DLGAP1: variants seen among roughly 807,000 people sequenced by gnomAD.
DLGAP1 encodes DLG associated protein 1, also known as disks large-associated protein 1.
Under a neutral mutation model 90.8 loss-of-function variants are expected in DLGAP1, and 11 were observed. The ratio of observed to expected loss-of-function variants is 0.12; its 90% CI spans 0.08 to 0.20. The LOEUF (loss-of-function observed/expected upper bound fraction) is 0.20. Among genes scored for constraint, DLGAP1 ranks in the 10% least tolerant of loss-of-function variants. DLGAP1 has a pLI of 1.00. For missense variants in DLGAP1, 1,050 were observed against 1,333.8 expected (o/e 0.79, Z 3.31); for synonymous variants, 558 against 540.7 (o/e 1.03, Z -0.44).
intron 7 of DLGAP1, among the ~76,000 whole-genome samples, chr18:3,587,792 C>A (rs534003828): frequency 6.6e-6 from 1 of 152,308 alleles, no homozygotes; most frequent in East Asian, 1.9e-4. Context: ...CACACACCAG[C>A]TTTAAGAGCT....
chr18:4,313,893 C>T (rs1210050562), intron 1 of DLGAP1, among the ~76,000 whole-genome samples: 1 of 152,152 alleles, frequency 6.6e-6, no homozygotes, highest in Non-Finnish European at 1.5e-5. Context: ...ATAGATAAAG[C>T]CGAGACTCTT....
chr18:4,298,194 AAGTC>A (rs1242874042), intron 1 of DLGAP1, among the ~76,000 whole-genome samples: 3 of 152,286 alleles, frequency 2.0e-5, no homozygotes, highest in South Asian at 4.1e-4. Context: ...AATATACTAA[AAGTC>A]AGCCCTTTCT....
At chr18:3,972,673 C>T (rs2073479177) in intron 3 of DLGAP1, among the ~76,000 whole-genome samples, 1 of 152,138 alleles carries the variant, frequency 6.6e-6, no homozygotes, top group African/African-American at 2.4e-5. Context: ...TATTGAGCAC[C>T]ACTGTCCACG....
At chr18:4,247,371 A>G (rs11873175) in intron 1 of DLGAP1, among the ~76,000 whole-genome samples, 5,503 of 152,292 alleles carry the variant, frequency 0.036, 234 homozygotes, top group African/African-American at 0.084. Flanking sequence ...CTAGTAAGGA[A>G]GAGAACCAGA....
At chr18:3,721,608 G>C (rs766745871) in intron 7 of DLGAP1, 5 of 152,046 alleles carry the variant, frequency 3.3e-5, no homozygotes, top group Non-Finnish European at 7.4e-5. Flanking sequence ...TTAAAAAAGA[G>C]AATTTTTTAG....
chr18:3,647,129 C>T (rs923202701), intron 7 of DLGAP1, among the ~76,000 whole-genome samples: 1 of 151,656 alleles, frequency 6.6e-6, no homozygotes, highest in Non-Finnish European at 1.5e-5. Context: ...TGGCTTATGG[C>T]GGTAATCCCA....
chr18:4,032,467 TAAC>T (rs1340764626), intron 2 of DLGAP1, among the ~76,000 whole-genome samples: 2 of 152,134 alleles, frequency 1.3e-5, no homozygotes, highest in Non-Finnish European at 2.9e-5. Context: ...AAACAAGACA[TAAC>T]AAAGCTAAGT....
chr18:3,770,536 A>G (rs1162382940), intron 5 of DLGAP1, among the ~76,000 whole-genome samples: 1 of 152,206 alleles, frequency 6.6e-6, no homozygotes, highest in Non-Finnish European at 1.5e-5. Flanking sequence ...ATGCCCATTC[A>G]TTGGCTATGT....
chr18:4,240,102 C>T (rs2078499985), intron 1 of DLGAP1, among the ~76,000 whole-genome samples: 1 of 152,132 alleles, frequency 6.6e-6, no homozygotes, highest in Non-Finnish European at 1.5e-5. Context: ...TAGTCCTTTA[C>T]TGAAATGCAA....
chr18:4,428,427 C>T (rs573727204), intron 1 of DLGAP1, among the ~76,000 whole-genome samples: 77 of 152,164 alleles, frequency 5.1e-4, no homozygotes, highest in African/African-American at 1.8e-3. Context: ...ACTAAAAATA[C>T]AAAAATTAGC....
At position 3,724,660 on chromosome 18, in the gene DLGAP1, A is replaced by T. The variant is rs1223317903; in HGVS notation, c.1591+4475T>A. Among the ~76,000 whole-genome samples, 13 of 152,066 alleles carry T rather than the reference A, an allele frequency of 8.5e-5. 1 individual carries two copies. Among genetic ancestry groups the T allele is most frequent in the Admixed American group, 6.6e-4 (10 of 15,246 alleles). On this transcript the variant is annotated intron_variant, in intron 7 of 12. Transcript: ENST00000315677. ...CTCAGGAGGCTGAGGTGGGAGGATC[A>T]CTTGAGGCGGAGGTTGCAGTGAGCC...
At chr18:3,759,446 C>T (rs554187903) in intron 5 of DLGAP1, among the ~76,000 whole-genome samples, 1 of 152,174 alleles carries the variant, frequency 6.6e-6, no homozygotes, top group African/African-American at 2.4e-5. Context: ...AATAATTCAT[C>T]AGACGTAGAA....
chr18:4,288,448 C>T (rs956587303), intron 1 of DLGAP1, among the ~76,000 whole-genome samples: 6 of 152,076 alleles, frequency 3.9e-5, no homozygotes, highest in Admixed American at 2.6e-4. Context: ...GTTATATGTT[C>T]GTTTCTTCAA....
At position 3,582,196 on chromosome 18, in the gene DLGAP1, T is replaced by G. The variant is rs1366077362; in HGVS notation, c.1644A>C (p.Arg548Ser). ...YKKTPPPVPPRTTTKPFISIT... is the reference protein window; with the variant it reads ...YKKTPPPVPPSTTTKPFISIT... ...TAGAAATGAAAGGTTTCGTGGTAGT[T>G]CTGGGTGGGACTGGAGGTGGTGTCT... The change falls in exon 8 of 13, where the codon AGA becomes AGC. Residue 548 changes from arginine to serine, a missense_variant. Transcript: ENST00000315677. The G allele has an allele frequency of 4.3e-6, 7 of 1,614,028 alleles. No homozygotes were observed. Among genetic ancestry groups the G allele is most frequent in the Non-Finnish European group, 5.9e-6 (7 of 1,180,006 alleles).
At chr18:3,793,198 T>A (rs750515896) in intron 5 of DLGAP1, among the ~76,000 whole-genome samples, 1 of 152,152 alleles carries the variant, frequency 6.6e-6, no homozygotes, top group Admixed American at 6.5e-5. Flanking sequence ...TCCAGAGTCA[T>A]CCATGTGATC....
chr18:4,428,187 G>A (rs1442542358), intron 1 of DLGAP1, among the ~76,000 whole-genome samples: 1 of 152,176 alleles, frequency 6.6e-6, no homozygotes, highest in African/African-American at 2.4e-5. Flanking sequence ...CTGGTGGGAG[G>A]TGAGTGGATC....
At chr18:4,321,967 G>C (rs932992632) in intron 1 of DLGAP1, among the ~76,000 whole-genome samples, 4 of 140,718 alleles carry the variant, frequency 2.8e-5, no homozygotes, top group Non-Finnish European at 4.6e-5. Flanking sequence ...GGAGGCCTAG[G>C]GGGGTGGATC....
chr18:4,063,461 ATATT>A (rs1417101981), intron 2 of DLGAP1, among the ~76,000 whole-genome samples: 1 of 152,102 alleles, frequency 6.6e-6, no homozygotes. Flanking sequence ...ACCCCAAAAT[ATATT>A]TTTTGACATA....
intron 9 of DLGAP1, among the ~76,000 whole-genome samples, chr18:3,561,366 G>A (rs2054097554): frequency 6.9e-6 from 1 of 145,418 alleles, no homozygotes; most frequent in Non-Finnish European, 1.5e-5. Flanking sequence ...AACCTGGGAG[G>A]TGGAGGTTGC....
Sources: gnomAD v4.1 joint callset for allele counts (sites outside exome capture counted in the v4.1 genomes callset) on GRCh38, gnomAD v4.1.1 for gene constraint, MANE v1.5 for transcripts, NCBI Gene and HGNC (gene_info 2026-07-23, HGNC 2026-07-21) for gene names.